SOX6: variants seen among roughly 807,000 people sequenced by gnomAD.
SOX6 encodes the protein transcription factor SOX-6.
A neutral mutation model predicts 97.8 loss-of-function variants in SOX6; 11 were observed. The observed-to-expected ratio is 0.11, with a 90% CI of 0.07 to 0.19. The LOEUF (loss-of-function observed/expected upper bound fraction) is 0.19. Ranked by LOEUF, SOX6 falls within the 10% of genes least tolerant of loss-of-function variation. The pLI is 1.00. For missense variants in SOX6, 810 were observed against 1,039.5 expected (o/e 0.78, Z 3.04); for synonymous variants, 360 against 371.4 (o/e 0.97, Z 0.35).
chr11:16,126,292 T>G (rs936073589), intron 6 of SOX6, among the ~76,000 whole-genome samples: 4 of 152,064 alleles, frequency 2.6e-5, no homozygotes, highest in African/African-American at 9.7e-5. Flanking sequence ...CACATGACAG[T>G]TCCCCCAAAT....
chr11:16,437,922 A>G (rs1416177161), intron 1 of SOX6, among the ~76,000 whole-genome samples: 2 of 152,208 alleles, frequency 1.3e-5, no homozygotes, highest in Non-Finnish European at 2.9e-5. Context: ...TGTTATTGTA[A>G]AAATATAAGC....
chr11:16,321,262 CAAA>C (rs78785045), intron 2 of SOX6, among the ~76,000 whole-genome samples: 1 of 67,132 alleles, frequency 1.5e-5, no homozygotes, highest in Admixed American at 1.7e-4. Context: ...ACATTATGGC[CAAA>C]AAAAAAAAAA....
intron 1 of SOX6, chr11:16,738,395 G>C (rs746017412): frequency 5.1e-5 from 14 of 274,544 alleles, no homozygotes; most frequent in African/African-American, 2.4e-4. Context: ...GCCTCCTCCT[G>C]TGGCGACAAA....
chr11:16,533,837 T>C (rs929365460), intron 4 of SOX6, among the ~76,000 whole-genome samples: 1 of 152,060 alleles, frequency 6.6e-6, no homozygotes, highest in Non-Finnish European at 1.5e-5. Flanking sequence ...CAATAAGATA[T>C]CAAGTAAAAA....
chr11:16,499,513 A>G (rs1417359519), intron 4 of SOX6, among the ~76,000 whole-genome samples: 1 of 152,214 alleles, frequency 6.6e-6, no homozygotes, highest in African/African-American at 2.4e-5. Flanking sequence ...AAATCAATGA[A>G]TCCAGGAGCT....
intron 1 of SOX6, among the ~76,000 whole-genome samples, chr11:16,393,242 A>C (rs1051048966): frequency 6.6e-6 from 1 of 151,994 alleles, no homozygotes; most frequent in African/African-American, 2.4e-5. Context: ...TTTTAACCTA[A>C]GGGAAGCTTT....
chr11:16,639,727 G>A (rs988441850), intron 3 of SOX6, among the ~76,000 whole-genome samples: 1 of 151,812 alleles, frequency 6.6e-6, no homozygotes, highest in Non-Finnish European at 1.5e-5. Flanking sequence ...GTCTTTTATT[G>A]GTGTATGCTT....
intron 3 of SOX6, among the ~76,000 whole-genome samples, chr11:16,632,351 T>A (rs1375874460): frequency 6.6e-6 from 1 of 152,150 alleles, no homozygotes; most frequent in Non-Finnish European, 1.5e-5. Flanking sequence ...TGGGCAGGTT[T>A]TGTATTGGAC....
intron 12 of SOX6, among the ~76,000 whole-genome samples, chr11:16,041,713 C>A (rs142617561): frequency 6.6e-6 from 1 of 152,124 alleles, no homozygotes; most frequent in Non-Finnish European, 1.5e-5. Flanking sequence ...CAAAAGCTCC[C>A]TAGCACACTA....
intron 3 of SOX6, among the ~76,000 whole-genome samples, chr11:16,304,180 T>C (rs1489277260): frequency 6.6e-6 from 1 of 152,188 alleles, no homozygotes; most frequent in African/African-American, 2.4e-5. Context: ...TCTTCCAAAG[T>C]GCTGGGATTA....
At chr11:16,676,900 A>G (rs1301593281) in intron 3 of SOX6, among the ~76,000 whole-genome samples, 2 of 151,136 alleles carry the variant, frequency 1.3e-5, no homozygotes, top group African/African-American at 2.4e-5. Context: ...TTTTTTTAGT[A>G]TGCACTCAGT....
chr11:16,364,156 T>C (rs1160411860), intron 1 of SOX6, among the ~76,000 whole-genome samples: 2 of 152,108 alleles, frequency 1.3e-5, no homozygotes, highest in Non-Finnish European at 2.9e-5. Flanking sequence ...TCTATTCCAG[T>C]TGGGCTAAAA....
At chr11:16,699,378 G>A (rs188351407) in intron 3 of SOX6, among the ~76,000 whole-genome samples, 12 of 152,080 alleles carry the variant, frequency 7.9e-5, no homozygotes, top group African/African-American at 9.6e-5. Context: ...ACATCACGCT[G>A]CCACCAAGAA....
At chr11:16,488,838 C>G (rs907687357) in intron 4 of SOX6, among the ~76,000 whole-genome samples, 1 of 152,102 alleles carries the variant, frequency 6.6e-6, no homozygotes, top group African/African-American at 2.4e-5. Context: ...CAAGATCTGG[C>G]CTAGCCTCAG....
intron 3 of SOX6, chr11:16,312,282 C>A (rs1393471403): frequency 6.7e-6 from 1 of 148,220 alleles, no homozygotes; most frequent in African/African-American, 2.6e-5. Flanking sequence ...TAATTATTAC[C>A]TAAAGAATAA....
intron 3 of SOX6, among the ~76,000 whole-genome samples, chr11:16,639,084 T>C (rs1848846459): frequency 6.6e-6 from 1 of 151,608 alleles, no homozygotes; most frequent in Admixed American, 6.6e-5. Flanking sequence ...TCCATCTTAA[T>C]TTTTGTATAA....
intron 1 of SOX6, among the ~76,000 whole-genome samples, chr11:16,393,137 T>C (rs898224803): frequency 2.8e-4 from 43 of 152,024 alleles, no homozygotes; most frequent in African/African-American, 1.0e-3. Context: ...GCTCCACAGT[T>C]TCACTCTTTT....
chr11:16,223,421 T>C (rs1380905997), intron 4 of SOX6, among the ~76,000 whole-genome samples: 2 of 152,146 alleles, frequency 1.3e-5, no homozygotes, highest in Non-Finnish European at 2.9e-5. Flanking sequence ...AGAAGTTCTT[T>C]TGATTTACCT....
At chr11:16,088,370 A>G (rs1185812032) in intron 9 of SOX6, among the ~76,000 whole-genome samples, 2 of 152,184 alleles carry the variant, frequency 1.3e-5, no homozygotes, top group East Asian at 3.9e-4. Flanking sequence ...GGACAAATAT[A>G]TAATGACATG....
Sources: gnomAD v4.1 joint callset for allele counts (sites outside exome capture counted in the v4.1 genomes callset) on GRCh38, gnomAD v4.1.1 for gene constraint, MANE v1.5 for transcripts, NCBI Gene and HGNC (gene_info 2026-07-23, HGNC 2026-07-21) for gene names.